The following AFF4 variants were observed in gnomAD, a reference collection of about 807,000 sequenced individuals.
AFF4 encodes ALF transcription elongation factor 4.
A neutral mutation model predicts 124.8 loss-of-function variants in AFF4; 13 were observed. That is an observed-to-expected ratio of 0.10 (90% confidence interval 0.07 to 0.17). The LOEUF (loss-of-function observed/expected upper bound fraction) is 0.17, where lower values mean the gene tolerates loss of function less well. Among genes scored for constraint, AFF4 ranks in the 10% least tolerant of loss-of-function variants. The probability of loss-of-function intolerance (pLI) is 1.00; values close to 1 mark genes in which losing one functional copy is unlikely to be tolerated. For synonymous variants in AFF4, 477 were observed against 496.1 expected, an observed-to-expected ratio of 0.96 and a Z score of 0.51; for missense variants, 1,092 against 1,403.8, an observed-to-expected ratio of 0.78 and a Z score of 3.55.
intron 1 of AFF4, among the ~76,000 whole-genome samples, chr5:132,953,400 C>G (rs890017761): frequency 6.6e-6 from 1 of 151,816 alleles, no homozygotes; most frequent in East Asian, 1.9e-4. Flanking sequence ...GACACCACAC[C>G]TGGGTAATTT....
chr5:132,937,317 C>A (rs1223352763), intron 1 of AFF4, 124 bp from the exon 2 acceptor site: 7 of 1,190,768 alleles, frequency 5.9e-6, no homozygotes, highest in Non-Finnish European at 6.8e-6. Context: ...TAATAACAGG[C>A]ATTAGTGCTG....
At chr5:132,944,229 C>T (rs1022946179) in intron 1 of AFF4, among the ~76,000 whole-genome samples, 18 of 147,408 alleles carry the variant, frequency 1.2e-4, no homozygotes, top group African/African-American at 4.1e-4. Context: ...CCCAGCTACT[C>T]GGGAGGCTGA....
chr5:132,881,827 G>GTTTT (rs749611038), intron 20 of AFF4, among the ~76,000 whole-genome samples: 2 of 130,184 alleles, frequency 1.5e-5, no homozygotes, highest in Admixed American at 7.7e-5. Context: ...ATACAAAAAA[G>GTTTT]TTTTTTTTTT....
At chr5:132,885,339 G>T (rs569160091) in intron 18 of AFF4, among the ~76,000 whole-genome samples, 7 of 151,946 alleles carry the variant, frequency 4.6e-5, no homozygotes, top group African/African-American at 1.7e-4. Flanking sequence ...CTTCACAGAA[G>T]AGGCAAGGAA....
intron 1 of AFF4, among the ~76,000 whole-genome samples, chr5:132,948,185 G>A (rs1761745920): frequency 6.6e-6 from 1 of 151,904 alleles, no homozygotes; most frequent in Admixed American, 6.6e-5. Flanking sequence ...CAAACAGCTG[G>A]GACTACAGGC....
In AFF4 at chr5:132,963,296, G is replaced by C; in HGVS notation, c.-42C>G. 1 of 395,722 alleles carries C rather than the reference G, an allele frequency of 2.5e-6. No homozygotes were observed. Among genetic ancestry groups the C allele is most frequent in the Non-Finnish European group, 4.5e-6 (1 of 224,384 alleles). 24.5% of individuals were successfully genotyped at this position (395,722 alleles called of 1,614,324 possible). A position where few individuals can be genotyped will look rare whatever the true frequency, so the allele number is the denominator to read the frequency against. On this transcript the variant is annotated 5_prime_UTR_variant, in exon 1 of 21. Transcript: ENST00000265343. ...CTCCGCTAGGCCCGAACCATCTCCT[G>C]GCTGCGGCAGTGGCGGCGCCGGGCC...
intron 1 of AFF4, among the ~76,000 whole-genome samples, chr5:132,941,436 T>C (rs1761566329): frequency 6.6e-6 from 1 of 152,096 alleles, no homozygotes; most frequent in South Asian, 2.1e-4. Flanking sequence ...GAGGTTCAAA[T>C]GATTCTCATG....
intron 7 of AFF4, among the ~76,000 whole-genome samples, chr5:132,902,118 G>T (rs967153609): frequency 6.6e-6 from 1 of 152,104 alleles, no homozygotes; most frequent in African/African-American, 2.4e-5. Context: ...CACGATCTCG[G>T]CTCCCTACAA....
At position 132,900,969 on chromosome 5, in the gene AFF4, C is replaced by T. The variant is rs981227638; in HGVS notation, c.1134-1328G>A. 47 of 985,208 alleles carry T rather than the reference C, an allele frequency of 4.8e-5. No individual in the cohort carries two copies. In the African/African-American group the frequency reaches 7.9e-4, roughly 16 times the overall value. The allele number at this position is 985,208 out of a possible 1,614,324, so 61.0% of individuals were successfully genotyped here. A position where few individuals can be genotyped will look rare whatever the true frequency, so the allele number is the denominator to read the frequency against. On this transcript the variant is annotated intron_variant, in intron 7 of 20. Coordinates refer to ENST00000265343, the MANE Select transcript of AFF4 (RefSeq NM_014423.4). The stretch of plus-strand genomic sequence containing the variant: ...CTTTTCCTCCTCAAAGTTTAACCAA[C>T]ATTTCTATATCTGACCCTAAGTTCA...
At chr5:132,959,850 C>T (rs750787890) in intron 1 of AFF4, among the ~76,000 whole-genome samples, 6 of 148,168 alleles carry the variant, frequency 4.0e-5, no homozygotes, top group East Asian at 2.0e-4. Context: ...CTGCAAGCTC[C>T]GCCTCCTGGG....
intron 13 of AFF4, chr5:132,891,927 A>G: frequency 3.2e-6 from 2 of 618,014 alleles, no homozygotes; most frequent in Non-Finnish European, 5.6e-6. Flanking sequence ...GACTACAGGT[A>G]TGAGCCACTG....
intron 1 of AFF4, 113 bp from the exon 2 acceptor site, chr5:132,937,306 G>C: frequency 2.3e-6 from 3 of 1,280,114 alleles, no homozygotes; most frequent in Non-Finnish European, 3.1e-6. Flanking sequence ...TGACCTCCAA[G>C]TAATAACAGG....
chr5:132,909,736 C>T (rs1476257388), intron 5 of AFF4, among the ~76,000 whole-genome samples: 1 of 152,186 alleles, frequency 6.6e-6, no homozygotes, highest in African/African-American at 2.4e-5. Context: ...ATTCACAGTT[C>T]CAGACATTTC....
intron 1 of AFF4, among the ~76,000 whole-genome samples, chr5:132,954,019 A>G (rs544130572): frequency 6.6e-6 from 1 of 151,852 alleles, no homozygotes; most frequent in African/African-American, 2.4e-5. Context: ...ACTTGATCTG[A>G]CTCTTGTCTC....
chr5:132,961,212 T>C (rs1303232873), intron 1 of AFF4, among the ~76,000 whole-genome samples: 1 of 151,556 alleles, frequency 6.6e-6, no homozygotes, highest in Non-Finnish European at 1.5e-5. Flanking sequence ...TGATCTCGGC[T>C]TACTGCAACC....
chr5:132,952,117 A>G (rs1241609657), intron 1 of AFF4, among the ~76,000 whole-genome samples: 1 of 152,190 alleles, frequency 6.6e-6, no homozygotes, highest in Non-Finnish European at 1.5e-5. Context: ...CTTTGTACCA[A>G]TGAGTGAGAG....
At chr5:132,900,790 T>C (rs1164268091) in intron 7 of AFF4, 1 of 853,950 alleles carries the variant, frequency 1.2e-6, no homozygotes, top group Non-Finnish European at 1.4e-6. Flanking sequence ...TCTTTTTACA[T>C]GGGAGGAAAA....
At chr5:132,962,417 T>C (rs981199772) in intron 1 of AFF4, among the ~76,000 whole-genome samples, 5 of 152,124 alleles carry the variant, frequency 3.3e-5, no homozygotes, top group African/African-American at 1.2e-4. Flanking sequence ...CTGACAAAAC[T>C]ACGAGAACCC....
intron 1 of AFF4, among the ~76,000 whole-genome samples, chr5:132,951,248 G>A (rs966045185): frequency 1.3e-5 from 2 of 151,808 alleles, no homozygotes; most frequent in Non-Finnish European, 2.9e-5. Context: ...GTCTTCATTG[G>A]CCCCACATCT....
Sources: allele counts gnomAD v4.1 joint callset (sites outside exome capture counted in the v4.1 genomes callset), GRCh38; gene constraint gnomAD v4.1.1; transcripts MANE v1.5; gene names NCBI Gene and HGNC (gene_info 2026-07-23, HGNC 2026-07-21).